NBN: variants seen among roughly 807,000 people sequenced by gnomAD.
NBN encodes the protein nibrin.
A neutral mutation model predicts 90.8 loss-of-function variants in NBN; 88 were observed. The ratio of observed to expected loss-of-function variants is 0.97; its 90% CI spans 0.82 to 1.16. NBN has a LOEUF of 1.16. NBN is among the 50% of genes most tolerant of loss of function. The pLI is 0.00. For missense variants in NBN, 894 were observed against 869.6 expected (o/e 1.03, Z -0.35); for synonymous variants, 328 against 295.1 (o/e 1.11, Z -1.14).
chr8:89,964,777 T>C (rs1811170171), intron 7 of NBN, among the ~76,000 whole-genome samples: 3 of 152,100 alleles, frequency 2.0e-5, no homozygotes, highest in Admixed American at 6.6e-5. Context: ...TCTACAATTT[T>C]TGGAATAAAA....
rs587782407 is a variant in NBN, at chr8:89,978,217, T to C, written c.584+3A>G. 1.3e-6 allele frequency: 2 copies of C among 1,597,784 alleles called. No homozygotes were observed. The highest frequency in any genetic ancestry group is 2.2e-5 in the East Asian group (1 of 44,678). ...CTTGTTATATTTAAAATACATAATATACCTTTCAATTTGTGGAGGCTGCTT... is the reference window on the plus strand; with the variant it reads ...CTTGTTATATTTAAAATACATAATACACCTTTCAATTTGTGGAGGCTGCTT... On this transcript the variant is annotated splice_donor_region_variant and intron_variant, in intron 5 of 15. Transcript: ENST00000265433.
intron 14 of NBN, among the ~76,000 whole-genome samples, chr8:89,940,270 T>C (rs1253145271): frequency 3.3e-5 from 5 of 151,908 alleles, no homozygotes; most frequent in African/African-American, 4.8e-5. Context: ...TGTGTTTTTT[T>C]GTTTGTTTGT....
chr8:89,955,348 A>G lies in NBN; in HGVS notation c.1332T>C (p.Asp444=), dbSNP rs1810653364. Residue 444 remains aspartate (D), a synonymous_variant, in exon 10 of 16, where the codon GAT becomes GAC. Transcript: ENST00000265433. ...TKLPSINKSK[D]RASQQQQTNS... ...TGGTCTGCTGCTGCTGAGAAGCCCT[A>G]TCTTTACTTTTATTTATACTTGGCA... 1 of 1,613,738 alleles carries G rather than the reference A, an allele frequency of 6.2e-7. No individual in the cohort carries two copies. Among genetic ancestry groups the G allele is most frequent in the South Asian group, 1.1e-5 (1 of 91,058 alleles).
intron 15 of NBN, 80 bp downstream of exon 15, chr8:89,936,946 A>G: frequency 8.5e-7 from 1 of 1,173,966 alleles, no homozygotes; most frequent in Non-Finnish European, 1.3e-6. Context: ...CAGAAGAAAC[A>G]AATTCTTAAT....
intron 11 of NBN, among the ~76,000 whole-genome samples, chr8:89,951,547 T>C (rs769292528): frequency 1.2e-4 from 19 of 152,106 alleles, no homozygotes; most frequent in Non-Finnish European, 2.4e-4. Context: ...AAATCCATAA[T>C]ACCAACAGAA....
chr8:89,974,996 C>A (rs561921973), intron 5 of NBN, among the ~76,000 whole-genome samples: 1 of 152,330 alleles, frequency 6.6e-6, no homozygotes, highest in African/African-American at 2.4e-5. Flanking sequence ...CCAACTCCCC[C>A]TCCTTTCTGG....
intron 14 of NBN, among the ~76,000 whole-genome samples, chr8:89,942,280 C>G (rs2130752585): frequency 6.6e-6 from 1 of 152,212 alleles, no homozygotes; most frequent in Admixed American, 6.5e-5. Flanking sequence ...GCTTCTGGTC[C>G]AAATATTAAT....
chr8:89,953,248 A>G lies in NBN; in HGVS notation c.1841T>C (p.Ile614Thr), dbSNP rs1586052647. ...CTCATTTAAAATGTTACTTACAGAT[A>G]TTTTGCTACTTTCTGGTACTGCTTC... The part of the protein sequence containing the change: ...SDEAVPESSK[I>T]SQENEIGKKR... The change falls in exon 11 of 16, where the codon ATA (isoleucine) becomes ACA (threonine). Residue 614 changes from isoleucine (I) to threonine (T), a missense_variant. Coordinates refer to ENST00000265433, the MANE Select transcript of NBN (RefSeq NM_002485.5). 2 of 1,597,306 alleles carry G rather than the reference A, an allele frequency of 1.3e-6. No homozygotes were observed. Among genetic ancestry groups the G allele is most frequent in the African/African-American group, 1.3e-5 (1 of 74,506 alleles).
At chr8:89,970,702 A>G (rs1314576700) in intron 6 of NBN, 145 bp from the exon 7 acceptor site, 1 of 786,368 alleles carries the variant, frequency 1.3e-6, no homozygotes, top group African/African-American at 1.7e-5. Flanking sequence ...CACTTTGAGA[A>G]AGTCCCTAGT....
chr8:89,962,720 G>A (rs1008113563), intron 8 of NBN, among the ~76,000 whole-genome samples: 4 of 152,180 alleles, frequency 2.6e-5, no homozygotes, highest in African/African-American at 9.7e-5. Context: ...GGTTACCTAT[G>A]TACAGACACA....
chr8:89,971,519 A>G (rs952051146), intron 5 of NBN, among the ~76,000 whole-genome samples: 1 of 152,194 alleles, frequency 6.6e-6, no homozygotes, highest in Non-Finnish European at 1.5e-5. Flanking sequence ...GATCATTAAT[A>G]TCTCAAAATA....
chr8:89,971,711 A>G lies in NBN; in HGVS notation c.585-421T>C, dbSNP rs757714783. On this transcript the variant is annotated intron_variant, in intron 5 of 15. Transcript: ENST00000265433. ...GCTCATGTTTCAATTCTACTAGCAC[A>G]ATCTATTATGAGTGTTTTGTTAGAG... 2.0e-5 allele frequency among the ~76,000 whole-genome samples: 3 copies of G among 152,184 alleles called. No homozygotes were observed. In the South Asian group the frequency reaches 6.2e-4, roughly 32 times the overall value.
At chr8:89,954,794 G>A (rs772728147) in intron 10 of NBN, among the ~76,000 whole-genome samples, 1 of 151,956 alleles carries the variant, frequency 6.6e-6, no homozygotes, top group African/African-American at 2.4e-5. Context: ...AAGCTTAACG[G>A]GACGGCACAA....
At chr8:89,978,059 C>T (rs975826917) in intron 5 of NBN, among the ~76,000 whole-genome samples, 161 bp downstream of exon 5, 1 of 152,166 alleles carries the variant, frequency 6.6e-6, no homozygotes, top group African/African-American at 2.4e-5. Context: ...TTGGGGAACT[C>T]TTTCTTTACA....
intron 11 of NBN, 48 bp from the exon 12 acceptor site, chr8:89,947,940 T>A: frequency 8.7e-7 from 1 of 1,146,518 alleles, no homozygotes; most frequent in Non-Finnish European, 1.3e-6. Flanking sequence ...AATAAAATGG[T>A]ATGTTTCTAT....
Position 89,978,305 on chromosome 8 carries a change from A to T in NBN, c.499T>A (p.Cys167Ser), listed in dbSNP as rs1586101551. The T allele has an allele frequency of 6.3e-7, 1 of 1,588,540 alleles. No individual in the cohort carries two copies. Residue 167 changes from cysteine to serine, a missense_variant, in exon 5 of 16, where the codon TGT (cysteine) becomes AGT (serine). Coordinates refer to ENST00000265433, the MANE Select transcript of NBN (RefSeq NM_002485.5). ...TCTGGCTTTACAATTGGACGTCCAC[A>T]AATGAGTGCACATATTGTCTACAAT... ...VTIKTICALI[C>S]GRPIVKPEYF...
chr8:89,978,559 G>A (rs1228726392), intron 4 of NBN, among the ~76,000 whole-genome samples: 3 of 152,128 alleles, frequency 2.0e-5, no homozygotes, highest in Admixed American at 6.5e-5. Flanking sequence ...AGAAGTCACC[G>A]ATTATAATAC....
rs876659523 is a variant in NBN, at chr8:89,964,411, T to C, written c.993A>G (p.Thr331=). 1 of 1,613,790 alleles carries C rather than the reference T, an allele frequency of 6.2e-7. No homozygotes were observed. Among genetic ancestry groups the C allele is most frequent in the Non-Finnish European group, 8.5e-7 (1 of 1,179,806 alleles). The change falls in exon 8 of 16, where the codon ACA becomes ACG. Residue 331 remains threonine, a splice_region_variant and synonymous_variant. Coordinates refer to ENST00000265433, the MANE Select transcript of NBN (RefSeq NM_002485.5). ...TCAATAAAATAATGCTTCAATTACC[T>C]GTACTGGGATGGCCCTGAGGATCAC... ...NYCDPQGHPS[T]GLKTTTPGPS...
chr8:89,939,679 TCTTA>T (rs1303200911), intron 14 of NBN, among the ~76,000 whole-genome samples: 1 of 152,202 alleles, frequency 6.6e-6, no homozygotes, highest in African/African-American at 2.4e-5. Flanking sequence ...ACCTGAGGAT[TCTTA>T]CTAATGCCCC....
Sources: gnomAD v4.1 joint callset for allele counts (sites outside exome capture counted in the v4.1 genomes callset) on GRCh38, gnomAD v4.1.1 for gene constraint, MANE v1.5 for transcripts, NCBI Gene and HGNC (gene_info 2026-07-23, HGNC 2026-07-21) for gene names.